SUGCT: variants seen among roughly 807,000 people sequenced by gnomAD.
The protein encoded by SUGCT is succinyl-CoA:glutarate CoA-transferase.
In SUGCT, 41 loss-of-function variants were observed where a neutral mutation model predicts 55.0. The observed-to-expected ratio is 0.74, with a 90% CI of 0.58 to 0.97. The LOEUF is 0.97. Ranked by LOEUF, SUGCT falls within the 50% of genes least tolerant of loss-of-function variation. The probability of loss-of-function intolerance (pLI) is 0.00; values close to 1 mark genes in which losing one functional copy is unlikely to be tolerated. For synonymous variants in SUGCT, 187 were observed against 200.4 expected (o/e 0.93, Z 0.56); for missense variants, 568 against 547.8 (o/e 1.04, Z -0.37).
intron 9 of SUGCT, among the ~76,000 whole-genome samples, chr7:40,430,675 T>A (rs919157592): frequency 1.3e-5 from 2 of 152,246 alleles, no homozygotes; most frequent in Admixed American, 6.5e-5. Flanking sequence ...TGATGTAGTC[T>A]AATTTATTAA....
At chr7:40,871,240 C>G in the SUGCT span, among the ~76,000 whole-genome samples, 9 of 152,194 alleles carry the variant, frequency 5.9e-5, no homozygotes, top group African/African-American at 2.2e-4. Flanking sequence ...TTTAAAACCA[C>G]GTGCCATTTC....
intron 11 of SUGCT, among the ~76,000 whole-genome samples, chr7:40,484,223 G>C (rs1010620758): frequency 6.6e-6 from 1 of 152,106 alleles, no homozygotes; most frequent in Non-Finnish European, 1.5e-5. Context: ...TGGGCTATGG[G>C]CCTGGAGTGT....
intron 12 of SUGCT, among the ~76,000 whole-genome samples, chr7:40,710,856 C>T (rs907108263): frequency 1.3e-5 from 2 of 151,678 alleles, no homozygotes; most frequent in African/African-American, 4.9e-5. Flanking sequence ...TGAAAAGATG[C>T]CATCTAAAAT....
chr7:41,020,241 C>T, the SUGCT span, among the ~76,000 whole-genome samples: 1 of 152,172 alleles, frequency 6.6e-6, no homozygotes, highest in East Asian at 1.9e-4. Context: ...TCCTAAATTC[C>T]AGAAGGGTGA....
At chr7:40,579,459 C>G (rs1320106859) in intron 12 of SUGCT, among the ~76,000 whole-genome samples, 4 of 152,170 alleles carry the variant, frequency 2.6e-5, no homozygotes, top group Admixed American at 6.5e-5. Context: ...TGGAATCCCC[C>G]TGGTGGTCCA....
intron 12 of SUGCT, among the ~76,000 whole-genome samples, chr7:40,576,390 C>T (rs966619367): frequency 2.0e-5 from 3 of 152,188 alleles, no homozygotes; most frequent in Non-Finnish European, 2.9e-5. Flanking sequence ...CTGCCCTCAC[C>T]AGAGGAAAAT....
rs1188123961 is a variant in SUGCT at position 40,165,578 on chromosome 7, A to G, written c.101-15369A>G. ...ATTTCAACAAATTACATTACAATTTATGCCTTTTCCAACTGTTTCATGCCT... is the reference window on the plus strand; with the variant it reads ...ATTTCAACAAATTACATTACAATTTGTGCCTTTTCCAACTGTTTCATGCCT... On this transcript the variant is annotated intron_variant, in intron 1 of 13. Coordinates refer to ENST00000335693, the MANE Select transcript of SUGCT (RefSeq NM_001193313.2). 3.9e-5 allele frequency among the ~76,000 whole-genome samples: 6 copies of G among 152,336 alleles called. No individual in the cohort carries two copies. In the East Asian group the frequency reaches 9.6e-4, roughly 24 times the overall value.
intron 7 of SUGCT, among the ~76,000 whole-genome samples, chr7:40,267,303 G>A (rs946090972): frequency 6.6e-6 from 1 of 152,052 alleles, no homozygotes; most frequent in African/African-American, 2.4e-5. Context: ...TTCATTAAAA[G>A]AGCTAAATAC....
chr7:40,138,890 A>G (rs2150572836), intron 1 of SUGCT, among the ~76,000 whole-genome samples: 1 of 152,232 alleles, frequency 6.6e-6, no homozygotes, highest in African/African-American at 2.4e-5. Context: ...TAGAGTCTTG[A>G]ATTTTTTGTT....
At chr7:40,863,107 G>A (rs1172100824), downstream of SUGCT, among the ~76,000 whole-genome samples, 1 of 151,992 alleles carries the variant, frequency 6.6e-6, no homozygotes, top group Non-Finnish European at 1.5e-5. Context: ...GGCGTGGTGG[G>A]TGCCTGCCTT....
intron 1 of SUGCT, among the ~76,000 whole-genome samples, 166 bp downstream of exon 1, chr7:40,135,286 C>T (rs1457160807): frequency 2.0e-5 from 3 of 152,240 alleles, no homozygotes; most frequent in Non-Finnish European, 4.4e-5. Flanking sequence ...GGCCGGCCTG[C>T]CCCGCTCTGG....
At chr7:40,418,306 A>T (rs1004195913) in intron 9 of SUGCT, among the ~76,000 whole-genome samples, 1 of 152,142 alleles carries the variant, frequency 6.6e-6, no homozygotes, top group African/African-American at 2.4e-5. Flanking sequence ...TGTCTTTTCT[A>T]GGAATGGGTC....
At chr7:40,718,422 G>C (rs1240227281) in intron 12 of SUGCT, among the ~76,000 whole-genome samples, 2 of 152,162 alleles carry the variant, frequency 1.3e-5, no homozygotes, top group Non-Finnish European at 2.9e-5. Context: ...ATTAAGTAAC[G>C]AGGAAAATAT....
intron 13 of SUGCT, among the ~76,000 whole-genome samples, chr7:40,822,345 T>G (rs1252405493): frequency 1.3e-5 from 2 of 152,174 alleles, no homozygotes; most frequent in Non-Finnish European, 2.9e-5. Context: ...CGTTGATCTG[T>G]CTAATATTGA....
At chr7:40,583,644 C>T (rs2151716373) in intron 12 of SUGCT, among the ~76,000 whole-genome samples, 1 of 152,208 alleles carries the variant, frequency 6.6e-6, no homozygotes, top group South Asian at 2.1e-4. Flanking sequence ...TTAATTTTTA[C>T]CACATATGCA....
intron 11 of SUGCT, among the ~76,000 whole-genome samples, chr7:40,468,749 T>G (rs1244764014): frequency 1.3e-5 from 2 of 152,192 alleles, no homozygotes; most frequent in African/African-American, 4.8e-5. Context: ...GTTAAAAGTC[T>G]GTATACTCTT....
chr7:40,531,951 G>A (rs1204993277), intron 12 of SUGCT, among the ~76,000 whole-genome samples: 4 of 152,194 alleles, frequency 2.6e-5, no homozygotes, highest in African/African-American at 9.6e-5. Context: ...TGGGATTACA[G>A]GCGTGAGCCA....
chr7:40,268,651 T>TA (rs199952782), intron 7 of SUGCT, among the ~76,000 whole-genome samples: 1 of 147,190 alleles, frequency 6.8e-6, no homozygotes, highest in East Asian at 1.9e-4. Context: ...TTCTTGTTTT[T>TA]AATTTTTTTT....
At chr7:40,787,399 C>T (rs1055845212) in intron 13 of SUGCT, among the ~76,000 whole-genome samples, 1 of 151,820 alleles carries the variant, frequency 6.6e-6, no homozygotes, top group Non-Finnish European at 1.5e-5. Flanking sequence ...ACTTAAAGCT[C>T]GCACCAGTTT....
Sources: allele counts gnomAD v4.1 joint callset (sites outside exome capture counted in the v4.1 genomes callset), GRCh38; gene constraint gnomAD v4.1.1; transcripts MANE v1.5; gene names NCBI Gene and HGNC (gene_info 2026-07-23, HGNC 2026-07-21).